FAM118B: variants seen among roughly 807,000 people sequenced by gnomAD.
FAM118B encodes the protein protein FAM118B.
A neutral mutation model predicts 38.5 loss-of-function variants in FAM118B; 24 were observed. The ratio of observed to expected loss-of-function variants is 0.62; its 90% CI spans 0.45 to 0.88. The LOEUF (loss-of-function observed/expected upper bound fraction) is 0.88. FAM118B is among the 40% of genes least tolerant of loss of function. The probability of loss-of-function intolerance (pLI) is 0.00; values close to 1 mark genes in which losing one functional copy is unlikely to be tolerated. For synonymous variants in FAM118B, 138 were observed against 156.3 expected (o/e 0.88, Z 0.87); for missense variants, 334 against 420.0 (o/e 0.80, Z 1.79).
chr11:126,261,872 G>A (rs939758101), intron 8 of FAM118B, among the ~76,000 whole-genome samples: 1 of 151,966 alleles, frequency 6.6e-6, no homozygotes, highest in African/African-American at 2.4e-5. Flanking sequence ...TGTGCCTATA[G>A]TCCCGGCTAC....
rs1221329821 is a variant in FAM118B, at chr11:126,214,511, T to G, written c.-77+2681T>G. 2.2e-4 allele frequency: 10 copies of G among 46,450 alleles called. 1 individual carries two copies. The highest frequency in any genetic ancestry group is 5.7e-4 in the African/African-American group (9 of 15,760). The allele number at this position is 46,450 out of a possible 1,614,324, so 2.9% of individuals were successfully genotyped here. A position where few individuals can be genotyped will look rare whatever the true frequency, so the allele number is the denominator to read the frequency against. ...TTCTGTTTTTTTTTTTTGTTTTTTTTTTGTTTTTTTTTTTTTACCTCTATA... is the reference window on the plus strand; with the variant it reads ...TTCTGTTTTTTTTTTTTGTTTTTTTGTTGTTTTTTTTTTTTTACCTCTATA... On this transcript the variant is annotated intron_variant, in intron 1 of 8. Coordinates refer to ENST00000533050, the MANE Select transcript of FAM118B (RefSeq NM_024556.4).
chr11:126,216,376 C>CAA (rs560306254), intron 1 of FAM118B, among the ~76,000 whole-genome samples: 1 of 149,312 alleles, frequency 6.7e-6, no homozygotes, highest in Non-Finnish European at 1.5e-5. Flanking sequence ...ACTCTGTCAC[C>CAA]AAAAAAAAAC....
Position 126,237,215 on chromosome 11 carries a change from C to CTTTTTT in FAM118B, c.86+2146_86+2151dup, listed in dbSNP as rs34631802. Reference sequence around the variant, plus strand: ...ACAGACGTGAGCCACCGCGCCTGGCCTTTTTTTTTTTTTTTTTTTTTTTGA... The same window carrying CTTTTTT: ...ACAGACGTGAGCCACCGCGCCTGGCCTTTTTTTTTTTTTTTTTTTTTTTTTTTTTGA... On this transcript the variant is annotated intron_variant, in intron 3 of 8. Transcript: ENST00000533050. 3.9e-3 allele frequency among the ~76,000 whole-genome samples: 169 copies of CTTTTTT among 43,112 alleles called. 37 individuals are homozygous for CTTTTTT. Among genetic ancestry groups the CTTTTTT allele is most frequent in the East Asian group, 5.4e-3 (6 of 1,102 alleles). 28.3% of individuals were successfully genotyped at this position (43,112 alleles called of 152,430 possible). A position where few individuals can be genotyped will look rare whatever the true frequency, so the allele number is the denominator to read the frequency against.
At position 126,240,884 on chromosome 11, in the gene FAM118B, C is replaced by G. The variant is rs913099245; in HGVS notation, c.179C>G (p.Pro60Arg). 7 of 1,614,180 alleles carry G rather than the reference C, an allele frequency of 4.3e-6. No homozygotes were observed. The highest frequency in any genetic ancestry group is 5.9e-6 in the Non-Finnish European group (7 of 1,180,024). Residue 60 changes from proline (P) to arginine (R), a missense_variant, in exon 4 of 9, where the codon CCA (proline) becomes CGA (arginine). Physicochemically the swap from Pro to Arg is moderately radical, Grantham distance 103. This residue lies in a region of FAM118B where 240 missense variants were observed against 295.9 expected (regional missense o/e 0.81). Transcript: ENST00000533050. ...AGTGCTGCAGTTGCGCCCCAAGTTCCAGCCCTCAAATCCTGGAAGGGGTTA... is the reference window on the plus strand; with the variant it reads ...AGTGCTGCAGTTGCGCCCCAAGTTCGAGCCCTCAAATCCTGGAAGGGGTTA... ...GISAAVAPQV[P>R]ALKSWKGLIQ...
intron 7 of FAM118B, 68 bp from the exon 8 acceptor site, chr11:126,261,357 G>C (rs1591533805): frequency 6.7e-6 from 9 of 1,338,818 alleles, no homozygotes; most frequent in Non-Finnish European, 8.6e-6. Context: ...TCTCCCTTTA[G>C]TTTTCTTTTT....
At chr11:126,257,003 T>C in intron 7 of FAM118B, 151 bp downstream of exon 7, 1 of 751,838 alleles carries the variant, frequency 1.3e-6, no homozygotes, top group South Asian at 1.8e-5. Flanking sequence ...CAGGTTAGAC[T>C]AAAGTGCCAC....
rs769876212 is a variant in FAM118B at position 126,255,557 on chromosome 11, A to T, written c.697-1010A>T. ...TTTCCTTGAGCAAATCCGATGATGG[A>T]ATTATCTTCTCTGGTGATTCACAGT... On this transcript the variant is annotated intron_variant, in intron 6 of 8. Coordinates refer to ENST00000533050, the MANE Select transcript of FAM118B (RefSeq NM_024556.4). The surrounding 1 kb of genome is among the most constrained non-coding windows in gnomAD (Gnocchi z 4.6). Among the ~76,000 whole-genome samples the T allele has an allele frequency of 6.6e-6, 1 of 152,204 alleles. No individual in the cohort carries two copies. Among genetic ancestry groups the T allele is most frequent in the Non-Finnish European group, 1.5e-5 (1 of 68,046 alleles).
chr11:126,237,399 T>G (rs1950290563), intron 3 of FAM118B, among the ~76,000 whole-genome samples: 1 of 143,280 alleles, frequency 7.0e-6, no homozygotes, highest in Non-Finnish European at 1.6e-5. Context: ...TTTTATTTTA[T>G]TTATTTATTT....
At chr11:126,258,097 G>T (rs138326491) in intron 7 of FAM118B, among the ~76,000 whole-genome samples, 2 of 152,176 alleles carry the variant, frequency 1.3e-5, no homozygotes, top group Admixed American at 1.3e-4. Flanking sequence ...TTGTCAACCT[G>T]AATGCATCTT....
chr11:126,223,051 G>A (rs1950085190), intron 1 of FAM118B, among the ~76,000 whole-genome samples: 2 of 112,080 alleles, frequency 1.8e-5, no homozygotes, highest in South Asian at 6.2e-4. Flanking sequence ...GGCCCTTGCA[G>A]AATATCACTC....
In FAM118B at chr11:126,262,384, A is replaced by G. The variant is rs1950719214; in HGVS notation, c.*251A>G. ...AGGACCCAAATGCAGCTCCCAACCC[A>G]CTCCCCAGGCTAGACATGCTTGTGT... On this transcript the variant is annotated 3_prime_UTR_variant, in exon 9 of 9. Transcript: ENST00000533050. The G allele has an allele frequency of 5.4e-6, 3 of 551,480 alleles. No individual in the cohort carries two copies. Among genetic ancestry groups the G allele is most frequent in the Non-Finnish European group, 9.7e-6 (3 of 310,324 alleles). 34.2% of individuals were successfully genotyped at this position (551,480 alleles called of 1,614,324 possible).
chr11:126,220,369 T>TC lies in FAM118B; in HGVS notation c.-77+8539_-77+8540insC, dbSNP rs542625210. ...CTGCTTTCTGTTTTCTCTCTCTCTC[T>TC]TTTTTTTTTAATACCCTCAATTGTT... On this transcript the variant is annotated intron_variant, in intron 1 of 8. Transcript: ENST00000533050. Among the ~76,000 whole-genome samples, 828 of 149,258 alleles carry TC rather than the reference T, an allele frequency of 5.5e-3. 21 individuals carry two copies. The highest frequency in any genetic ancestry group is 4.9e-3 in the Non-Finnish European group (328 of 67,016).
intron 7 of FAM118B, among the ~76,000 whole-genome samples, chr11:126,258,851 G>A (rs1407392956): frequency 6.6e-6 from 1 of 152,198 alleles, no homozygotes; most frequent in Non-Finnish European, 1.5e-5. Context: ...AAATAAATAT[G>A]TCTTTAGACT....
chr11:126,234,015 G>A (rs1004436184), intron 2 of FAM118B, among the ~76,000 whole-genome samples: 8 of 152,158 alleles, frequency 5.3e-5, no homozygotes, highest in Admixed American at 3.3e-4. Context: ...CCAGGAGGCC[G>A]AGACTGCAGT....
chr11:126,246,093 A>C (rs1198502967), intron 4 of FAM118B, among the ~76,000 whole-genome samples: 3 of 152,178 alleles, frequency 2.0e-5, no homozygotes, highest in Admixed American at 6.5e-5. Context: ...TATCCAGAAT[A>C]TATAAAGAAC....
intron 3 of FAM118B, among the ~76,000 whole-genome samples, chr11:126,238,427 A>G (rs1261320687): frequency 6.6e-6 from 1 of 152,136 alleles, no homozygotes; most frequent in Non-Finnish European, 1.5e-5. Flanking sequence ...CAGAATCTGC[A>G]GGTTTTTCAT....
intron 2 of FAM118B, among the ~76,000 whole-genome samples, chr11:126,232,004 C>A (rs1950212408): frequency 6.6e-6 from 1 of 152,150 alleles, no homozygotes; most frequent in Non-Finnish European, 1.5e-5. Context: ...AGTAAATCTC[C>A]TTTCTAGAAT....
Position 126,244,330 on chromosome 11 carries a change from A to G in FAM118B, c.339+3286A>G, listed in dbSNP as rs754759679. ...TTGCAGATGTGATGATCTAGTCTAT[A>G]GAAGATCCTAGGTTATCCTCTATTA... On this transcript the variant is annotated intron_variant, in intron 4 of 8. Coordinates refer to ENST00000533050, the MANE Select transcript of FAM118B (RefSeq NM_024556.4). This position sits in a 1 kb window ranked among gnomAD's most constrained non-coding sequence, Gnocchi z 4.5. Among the ~76,000 whole-genome samples, 4 of 152,224 alleles carry G rather than the reference A, an allele frequency of 2.6e-5. No individual in the cohort carries two copies. Among genetic ancestry groups the G allele is most frequent in the African/African-American group, 7.2e-5 (3 of 41,458 alleles).
chr11:126,224,582 A>G (rs765181287), intron 1 of FAM118B, among the ~76,000 whole-genome samples: 2 of 151,972 alleles, frequency 1.3e-5, no homozygotes, highest in East Asian at 1.9e-4. Context: ...AACAGCTAAC[A>G]TGGTGGAGGG....
Sources: allele counts gnomAD v4.1 joint callset (sites outside exome capture counted in the v4.1 genomes callset), GRCh38; gene constraint gnomAD v4.1.1; regional missense constraint gnomAD v4.1.1; non-coding constraint Gnocchi (gnomAD v3.1); transcripts MANE v1.5; gene names NCBI Gene and HGNC (gene_info 2026-07-23, HGNC 2026-07-21).